The following PALS1 variants were observed in gnomAD, a reference collection of about 807,000 sequenced individuals.
The protein encoded by PALS1 is protein associated with LIN7 1, MAGUK p55 family member, also known as protein PALS1.
In PALS1, 31 loss-of-function variants were observed where a neutral mutation model predicts 78.9. The observed-to-expected ratio is 0.39, with a 90% CI of 0.30 to 0.53. The LOEUF (loss-of-function observed/expected upper bound fraction) is 0.53, where lower values mean the gene tolerates loss of function less well. Ranked by LOEUF, PALS1 falls within the 20% of genes least tolerant of loss-of-function variation. PALS1 has a pLI of 0.67. For synonymous variants in PALS1, 276 were observed against 270.9 expected (o/e 1.02, Z -0.18); for missense variants, 704 against 826.5 (o/e 0.85, Z 1.82).
intron 5 of PALS1, 145 bp from the exon 6 acceptor site, chr14:67,301,827 C>T: frequency 1.0e-6 from 1 of 956,886 alleles, no homozygotes; most frequent in Non-Finnish European, 1.5e-6. Context: ...CCTTAGTATA[C>T]TTAACACATC....
rs2085109273 is a variant in PALS1, at chr14:67,312,651, G to T, written c.1166G>T (p.Trp389Leu). The T allele has an allele frequency of 6.2e-7, 1 of 1,613,148 alleles. No homozygotes were observed. The highest frequency in any genetic ancestry group is 8.5e-7 in the Non-Finnish European group (1 of 1,179,558). The change falls in exon 9 of 15, where the codon TGG becomes TTG. Residue 389 changes from tryptophan (W) to leucine (L), a missense_variant. Transcript: ENST00000261681. ...GTGATCAGTCAAGAAGATCCAAACT[G>T]GTGGCAGGCCTACAGGGAAGGGGAC... ...LHVISQEDPN[W>L]WQAYREGDED... is the part of the protein sequence containing the mutation.
chr14:67,261,727 C>T (rs2084240975), intron 1 of PALS1, among the ~76,000 whole-genome samples: 1 of 151,772 alleles, frequency 6.6e-6, no homozygotes, highest in Admixed American at 6.6e-5. Context: ...CACATATCTA[C>T]CATTTCTCTA....
intron 4 of PALS1, among the ~76,000 whole-genome samples, chr14:67,293,319 T>C (rs1364862682): frequency 6.6e-6 from 1 of 152,174 alleles, no homozygotes; most frequent in East Asian, 1.9e-4. Flanking sequence ...AAATAAACTC[T>C]CCTGTTTTGG....
At chr14:67,324,897 A>ATTTTTTTTTTTTTTTTT in intron 14 of PALS1, among the ~76,000 whole-genome samples, 1 of 76,336 alleles carries the variant, frequency 1.3e-5, no homozygotes, top group Non-Finnish European at 2.4e-5. Flanking sequence ...CCTTCCTTTC[A>ATTTTTTTTTTTTTTTTT]TTTTTTTTTT....
At chr14:67,323,882 T>C (rs903993275) in intron 14 of PALS1, 70 bp downstream of exon 14, 1 of 802,942 alleles carries the variant, frequency 1.2e-6, no homozygotes, top group Non-Finnish European at 2.0e-6. Context: ...TAATTTGTCC[T>C]GGTGCTTAAA....
intron 1 of PALS1, among the ~76,000 whole-genome samples, chr14:67,253,529 C>T (rs1230101940): frequency 3.3e-5 from 5 of 152,114 alleles, no homozygotes; most frequent in Admixed American, 3.3e-4. Flanking sequence ...TTTCACTACA[C>T]ATTTTTAAAT....
chr14:67,258,496 C>T (rs1419373018), intron 1 of PALS1, among the ~76,000 whole-genome samples: 1 of 152,194 alleles, frequency 6.6e-6, no homozygotes, highest in African/African-American at 2.4e-5. Context: ...TCACAGCTTA[C>T]TGCAGCCTTG....
At chr14:67,325,054 A>G (rs568230068) in intron 14 of PALS1, among the ~76,000 whole-genome samples, 3 of 151,792 alleles carry the variant, frequency 2.0e-5, no homozygotes, top group East Asian at 1.9e-4. Context: ...ACAGGTGCCC[A>G]CCATCATGCC....
rs367581344 is a variant in PALS1 at position 67,301,957 on chromosome 14, A to G, written c.655-15A>G. On this transcript the variant is annotated splice_polypyrimidine_tract_variant and intron_variant, in intron 5 of 14. Transcript: ENST00000261681. ...CATGCTGTTACTTAAAATGCCATGG[A>G]TTTCTTTGAAACAGGCACTTTTACT... 6.3e-7 allele frequency: 1 copy of G among 1,582,372 alleles called. No individual in the cohort carries two copies. The highest frequency in any genetic ancestry group is 1.2e-5 in the South Asian group (1 of 85,254).
At chr14:67,316,494 CT>C (rs1192718372) in intron 9 of PALS1, among the ~76,000 whole-genome samples, 1 of 152,226 alleles carries the variant, frequency 6.6e-6, no homozygotes, top group Non-Finnish European at 1.5e-5. Context: ...TGAGATAATT[CT>C]AAAGGACCTA....
intron 14 of PALS1, among the ~76,000 whole-genome samples, chr14:67,328,433 G>C (rs1226430927): frequency 2.0e-5 from 3 of 152,188 alleles, no homozygotes; most frequent in Non-Finnish European, 4.4e-5. Context: ...TCTGTAGGTT[G>C]CCTATTCACT....
At chr14:67,312,389 A>G (rs2085103501) in intron 8 of PALS1, 138 bp from the exon 9 acceptor site, 3 of 554,278 alleles carry the variant, frequency 5.4e-6, no homozygotes, top group Non-Finnish European at 8.6e-6. Context: ...ATTATCCTGG[A>G]CAACATACTG....
chr14:67,325,979 C>CTTTTTT lies in PALS1; in HGVS notation c.1851+2181_1851+2186dup, dbSNP rs61592505. 9.3e-4 allele frequency among the ~76,000 whole-genome samples: 102 copies of CTTTTTT among 110,148 alleles called. 1 individual carries two copies. The highest frequency in any genetic ancestry group is 2.1e-3 in the East Asian group (8 of 3,856). 72.3% of individuals were successfully genotyped at this position (110,148 alleles called of 152,430 possible). A position where few individuals can be genotyped will look rare whatever the true frequency, so the allele number is the denominator to read the frequency against. The stretch of plus-strand genomic sequence containing the variant: ...ACCTGCCACCACACCCGGCTCTTTT[C>CTTTTTT]TTTTTTTTTTTTTTTTTTTGTATTT... On this transcript the variant is annotated intron_variant, in intron 14 of 14. Transcript: ENST00000261681.
rs999264352 is a variant in PALS1, at chr14:67,334,377, A to G, written c.*1421A>G. The G allele has an allele frequency of 3.9e-5, 6 of 152,632 alleles. No homozygotes were observed. The highest frequency in any genetic ancestry group is 1.4e-4 in the African/African-American group (6 of 41,458). The allele number at this position is 152,632 out of a possible 1,614,324, so 9.5% of individuals were successfully genotyped here. A position where few individuals can be genotyped will look rare whatever the true frequency, so the allele number is the denominator to read the frequency against. ...GTGTGATGTGTAACAAACAACCTCA[A>G]ATGTGAATGCCTTGATTTTATTTTT... On this transcript the variant is annotated 3_prime_UTR_variant, in exon 15 of 15. Coordinates refer to ENST00000261681, the MANE Select transcript of PALS1 (RefSeq NM_022474.4).
At chr14:67,332,542 A>C (rs2085466053) in intron 14 of PALS1, among the ~76,000 whole-genome samples, 2 of 152,294 alleles carry the variant, frequency 1.3e-5, no homozygotes, top group Middle Eastern at 3.4e-3. Flanking sequence ...TGAAAACCTA[A>C]ATAGTGGTAT....
intron 14 of PALS1, among the ~76,000 whole-genome samples, chr14:67,324,897 ATTTTTTTTT>A (rs1197663812): frequency 3.9e-5 from 3 of 76,328 alleles, no homozygotes; most frequent in South Asian, 4.4e-4. Context: ...CCTTCCTTTC[ATTTTTTTTT>A]TTTTTTTTTT....
At chr14:67,260,983 G>A (rs1017966822) in intron 1 of PALS1, among the ~76,000 whole-genome samples, 1 of 152,156 alleles carries the variant, frequency 6.6e-6, no homozygotes, top group Non-Finnish European at 1.5e-5. Context: ...ATGCCCTGGA[G>A]TCAAGCAGAC....
At chr14:67,290,429 G>T (rs2084754922) in intron 3 of PALS1, among the ~76,000 whole-genome samples, 1 of 152,156 alleles carries the variant, frequency 6.6e-6, no homozygotes, top group African/African-American at 2.4e-5. Context: ...ATTTGATGAG[G>T]TCTCACTCAG....
At chr14:67,284,323 C>T (rs1254364689) in intron 3 of PALS1, among the ~76,000 whole-genome samples, 4 of 150,070 alleles carry the variant, frequency 2.7e-5, no homozygotes, top group Admixed American at 6.7e-5. Context: ...TGCAGGCAGG[C>T]GTGGTGGTTC....
Sources: gnomAD v4.1 joint callset for allele counts (sites outside exome capture counted in the v4.1 genomes callset) on GRCh38, gnomAD v4.1.1 for gene constraint, MANE v1.5 for transcripts, NCBI Gene and HGNC (gene_info 2026-07-23, HGNC 2026-07-21) for gene names.